The following GPC3 variants were observed in gnomAD, a reference collection of about 807,000 sequenced individuals.
GPC3 encodes the protein glypican-3.
GPC3 carries 3 observed loss-of-function variants against 34.4 expected under a neutral mutation model. The observed-to-expected ratio is 0.09, with a 90% confidence interval of 0.04 to 0.23. The LOEUF (loss-of-function observed/expected upper bound fraction) is 0.23, where lower values mean the gene tolerates loss of function less well. Ranked by LOEUF, GPC3 falls within the 10% of genes least tolerant of loss-of-function variation. The pLI is 1.00. For missense variants in GPC3, 351 were observed against 445.6 expected (o/e 0.79, Z 1.91); for synonymous variants, 177 against 174.0 (o/e 1.02, Z -0.13).
At chrX:133,603,206 G>C (rs969542730) in intron 6 of GPC3, among the ~76,000 whole-genome samples, 1 of 109,453 alleles carries the variant, frequency 9.1e-6, no homozygotes, top group African/African-American at 3.3e-5. Flanking sequence ...CTGATTTGGT[G>C]AATCTGGGAT....
Position 133,558,675 on chromosome X carries a change from G to A in GPC3, c.1574-22382C>T, listed in dbSNP as rs750535889. Reference sequence around the variant, plus strand: ...TGGGAGGCCTAGGTGGATGGATCACGAGGTCAGGAGTTCAAGACCAGCCTG... The same window carrying A: ...TGGGAGGCCTAGGTGGATGGATCACAAGGTCAGGAGTTCAAGACCAGCCTG... On this transcript the variant is annotated intron_variant, in intron 7 of 7. Transcript: ENST00000370818. Among the ~76,000 whole-genome samples the A allele has an allele frequency of 2.4e-3, 268 of 110,057 alleles. 1 individual carries two copies. Among genetic ancestry groups the A allele is most frequent in the African/African-American group, 8.3e-3 (251 of 30,219 alleles).
intron 2 of GPC3, among the ~76,000 whole-genome samples, chrX:133,943,261 G>A (rs1569457541): frequency 8.9e-6 from 1 of 112,210 alleles, no homozygotes; most frequent in African/African-American, 3.2e-5. Flanking sequence ...AGGGGGTTAC[G>A]TAACTAGTGA....
intron 2 of GPC3, among the ~76,000 whole-genome samples, chrX:133,756,960 T>G (rs990734585): frequency 8.0e-5 from 9 of 112,431 alleles, no homozygotes; most frequent in Non-Finnish European, 1.5e-4. Context: ...ACTTAAGGTT[T>G]CATGAAATGA....
At chrX:133,742,358 C>A (rs781014138) in intron 3 of GPC3, among the ~76,000 whole-genome samples, 2 of 111,316 alleles carry the variant, frequency 1.8e-5, no homozygotes, top group African/African-American at 6.5e-5. Flanking sequence ...TGAAACTGAG[C>A]CTGTAACTTA....
chrX:133,551,033 T>A (rs748937548), intron 7 of GPC3, among the ~76,000 whole-genome samples: 1 of 110,852 alleles, frequency 9.0e-6, no homozygotes, highest in East Asian at 2.9e-4. Context: ...GGAAACAGGG[T>A]TTTTGATGAG....
At chrX:133,974,832 C>T (rs1276172142) in intron 1 of GPC3, among the ~76,000 whole-genome samples, 1 of 111,061 alleles carries the variant, frequency 9.0e-6, no homozygotes, top group African/African-American at 3.3e-5. Context: ...CTGATTTCTC[C>T]CTCTTTTGTA....
intron 7 of GPC3, among the ~76,000 whole-genome samples, chrX:133,556,415 C>A (rs2069489578): frequency 9.0e-6 from 1 of 111,303 alleles, no homozygotes. Context: ...ACATGTGGAA[C>A]TACCTCTTTC....
intron 2 of GPC3, among the ~76,000 whole-genome samples, chrX:133,922,223 A>AG (rs1187003092): frequency 8.9e-6 from 1 of 112,321 alleles, no homozygotes. Context: ...AGAAGGCTAG[A>AG]GGGAAAGGAG....
chrX:133,676,884 T>C (rs1234121954), intron 5 of GPC3, among the ~76,000 whole-genome samples: 1 of 110,786 alleles, frequency 9.0e-6, no homozygotes, highest in African/African-American at 3.3e-5. Flanking sequence ...CTCCCTCTGG[T>C]TTTCTTAGCC....
intron 2 of GPC3, among the ~76,000 whole-genome samples, chrX:133,898,516 C>A (rs2076129456): frequency 9.0e-6 from 1 of 111,729 alleles, no homozygotes; most frequent in African/African-American, 3.3e-5. Context: ...AATTGTAAAC[C>A]GATACCTATT....
chrX:133,898,145 CCT>C (rs1408227380), intron 2 of GPC3, among the ~76,000 whole-genome samples: 3 of 111,447 alleles, frequency 2.7e-5, no homozygotes, highest in Non-Finnish European at 3.8e-5. Context: ...AATAAAGGTG[CCT>C]CTCTCCCTTC....
chrX:133,709,988 T>A (rs1462626114), intron 3 of GPC3, among the ~76,000 whole-genome samples: 1 of 111,961 alleles, frequency 8.9e-6, no homozygotes, highest in Admixed American at 9.5e-5. Context: ...ACAGACCTGG[T>A]GACAATGTAA....
At chrX:133,565,235 G>A (rs919606702) in intron 7 of GPC3, among the ~76,000 whole-genome samples, 1 of 111,234 alleles carries the variant, frequency 9.0e-6, no homozygotes, top group Admixed American at 9.6e-5. Flanking sequence ...CTTTTTCAAC[G>A]CCCACTGCCC....
intron 7 of GPC3, among the ~76,000 whole-genome samples, chrX:133,552,043 A>T (rs1423979285): frequency 8.9e-6 from 1 of 112,857 alleles, no homozygotes; most frequent in African/African-American, 3.2e-5. Flanking sequence ...CTGGACTTGA[A>T]AGATAAAGAA....
Position 133,935,848 on chromosome X carries a change from A to G in GPC3, c.337+17202T>C, listed in dbSNP as rs770867185. On this transcript the variant is annotated intron_variant, in intron 2 of 7. Coordinates refer to ENST00000370818, the MANE Select transcript of GPC3 (RefSeq NM_004484.4). ...CCTACCTACATAAGGCCTAAATAAC[A>G]GTGCTAATGATAATAATAAAACCTC... 2.7e-5 allele frequency among the ~76,000 whole-genome samples: 3 copies of G among 111,210 alleles called. No homozygotes were observed. In the East Asian group the frequency reaches 8.5e-4, roughly 31 times the overall value.
chrX:133,909,181 A>T (rs1199247170), intron 2 of GPC3, among the ~76,000 whole-genome samples: 1 of 112,476 alleles, frequency 8.9e-6, no homozygotes, highest in Admixed American at 9.4e-5. Flanking sequence ...GCCAAAAAAC[A>T]GTTCCTGTGG....
intron 2 of GPC3, among the ~76,000 whole-genome samples, chrX:133,788,088 T>TTTTATATATATATATA (rs1291090668): frequency 4.6e-5 from 3 of 64,917 alleles, no homozygotes; most frequent in African/African-American, 1.4e-4. Flanking sequence ...TCATATTATT[T>TTTTATATATATATATA]TATATATATA....
chrX:133,674,128 G>A (rs2070858853), intron 5 of GPC3, among the ~76,000 whole-genome samples: 1 of 110,911 alleles, frequency 9.0e-6, no homozygotes, highest in African/African-American at 3.3e-5. Flanking sequence ...TTGGGAGGTT[G>A]AGGCAAGAGG....
chrX:133,615,968 A>G (rs1177522178), intron 6 of GPC3, among the ~76,000 whole-genome samples: 1 of 110,931 alleles, frequency 9.0e-6, no homozygotes, highest in African/African-American at 3.3e-5. Flanking sequence ...AAAGGAGAAA[A>G]ACTGAAAGTT....
Sources: allele counts gnomAD v4.1 joint callset (sites outside exome capture counted in the v4.1 genomes callset), GRCh38; gene constraint gnomAD v4.1.1; transcripts MANE v1.5; gene names NCBI Gene and HGNC (gene_info 2026-07-23, HGNC 2026-07-21).